The following CDK19 variants were observed in gnomAD, a reference collection of about 807,000 sequenced individuals.
The protein encoded by CDK19 is cyclin-dependent kinase 19.
Under a neutral mutation model 68.3 loss-of-function variants are expected in CDK19, and 20 were observed. The observed-to-expected ratio is 0.29, with a 90% confidence interval of 0.21 to 0.43. CDK19 has a LOEUF of 0.43. Among genes scored for constraint, CDK19 ranks in the 20% least tolerant of loss-of-function variants. The pLI, the probability that CDK19 is intolerant of heterozygous loss-of-function variation, is 1.00. For missense variants in CDK19, 339 were observed against 623.5 expected (o/e 0.54, Z 4.86); for synonymous variants, 221 against 222.8 (o/e 0.99, Z 0.07).
intron 1 of CDK19, among the ~76,000 whole-genome samples, chr6:110,779,142 A>G (rs1484084750): frequency 6.6e-6 from 1 of 152,158 alleles, no homozygotes; most frequent in East Asian, 1.9e-4. Flanking sequence ...ATCTTGGCAC[A>G]TGATTCCTTA....
At chr6:110,789,091 T>C (rs537573723) in intron 1 of CDK19, among the ~76,000 whole-genome samples, 2 of 152,310 alleles carry the variant, frequency 1.3e-5, no homozygotes, top group Admixed American at 6.5e-5. Flanking sequence ...TCTGCAACAC[T>C]TGAGCTCACA....
At position 110,672,175 on chromosome 6, in the gene CDK19, T is replaced by C. The variant is rs77391519; in HGVS notation, c.205-1634A>G. 2.8e-4 allele frequency among the ~76,000 whole-genome samples: 43 copies of C among 152,312 alleles called. 1 individual carries two copies. In the East Asian group the frequency reaches 7.1e-3, roughly 25 times the overall value. On this transcript the variant is annotated intron_variant, in intron 2 of 12. Coordinates refer to ENST00000368911, the MANE Select transcript of CDK19 (RefSeq NM_015076.5). ...GAGACTTCACCCCAGGCACAATGAC[T>C]GTCTCCTTCTTTCTGACTCCTTGAT... is the stretch of plus-strand genomic sequence containing the variant.
chr6:110,784,552 G>A (rs1384238414), intron 1 of CDK19, among the ~76,000 whole-genome samples: 2 of 152,158 alleles, frequency 1.3e-5, no homozygotes. Context: ...AAATGGTACA[G>A]TTGCTTTGGG....
chr6:110,675,999 G>A (rs1771499841), intron 2 of CDK19, among the ~76,000 whole-genome samples: 1 of 152,140 alleles, frequency 6.6e-6, no homozygotes, highest in South Asian at 2.1e-4. Flanking sequence ...TTCTCGGATG[G>A]ATCTGGGCAA....
At chr6:110,693,199 G>A (rs1050923176) in intron 2 of CDK19, among the ~76,000 whole-genome samples, 6 of 152,174 alleles carry the variant, frequency 3.9e-5, no homozygotes, top group African/African-American at 1.2e-4. Context: ...CTGCAGGAGC[G>A]TACCAGGAAA....
chr6:110,685,978 T>A (rs1346969510), intron 2 of CDK19, among the ~76,000 whole-genome samples: 1 of 152,166 alleles, frequency 6.6e-6, no homozygotes, highest in Non-Finnish European at 1.5e-5. Flanking sequence ...TTCTAAGTCG[T>A]CACTGCACAG....
intron 4 of CDK19, among the ~76,000 whole-genome samples, chr6:110,665,638 A>C (rs529879423): frequency 1.4e-4 from 22 of 152,378 alleles, no homozygotes; most frequent in African/African-American, 4.3e-4. Context: ...CATAACCTCA[A>C]AAATATAACC....
chr6:110,715,429 T>A (rs985311118), intron 2 of CDK19, among the ~76,000 whole-genome samples: 1 of 152,154 alleles, frequency 6.6e-6, no homozygotes, highest in African/African-American at 2.4e-5. Flanking sequence ...AGAAAATGAG[T>A]CTTTAATGTC....
chr6:110,640,037 TA>T (rs1460176038), intron 4 of CDK19, among the ~76,000 whole-genome samples: 1 of 151,792 alleles, frequency 6.6e-6, no homozygotes, highest in Non-Finnish European at 1.5e-5. Flanking sequence ...AAACACAAAA[TA>T]GTAAGATTCT....
In CDK19 at chr6:110,614,463, G is replaced by T. The variant is rs1778181866; in HGVS notation, c.*72C>A. The T allele has an allele frequency of 1.0e-5, 15 of 1,503,586 alleles. No individual in the cohort carries two copies. In the Admixed American group the frequency reaches 1.8e-4, roughly 18 times the overall value. 93.1% of individuals were successfully genotyped at this position (1,503,586 alleles called of 1,614,324 possible). ...TGGCATCATAGTTTGCATTTTTTTG[G>T]TTCTTTTCAATGCAGACATATTGCT... On this transcript the variant is annotated 3_prime_UTR_variant, in exon 13 of 13. Transcript: ENST00000368911.
At chr6:110,631,367 G>T (rs1779426189) in intron 6 of CDK19, among the ~76,000 whole-genome samples, 1 of 152,126 alleles carries the variant, frequency 6.6e-6, no homozygotes, top group South Asian at 2.1e-4. Flanking sequence ...TTCACAGCTG[G>T]GCCGTGTGAG....
chr6:110,664,485 T>C (rs1436975761), intron 4 of CDK19, among the ~76,000 whole-genome samples: 1 of 152,232 alleles, frequency 6.6e-6, no homozygotes, highest in African/African-American at 2.4e-5. Context: ...GACATGGTCA[T>C]ATTTGTGTTG....
At chr6:110,765,496 A>G (rs776649654) in intron 1 of CDK19, among the ~76,000 whole-genome samples, 1 of 152,016 alleles carries the variant, frequency 6.6e-6, no homozygotes, top group Non-Finnish European at 1.5e-5. Flanking sequence ...GCCCAACAAC[A>G]TGGTGAAACC....
intron 4 of CDK19, among the ~76,000 whole-genome samples, chr6:110,665,164 T>C (rs1219844183): frequency 1.3e-5 from 2 of 152,090 alleles, no homozygotes; most frequent in African/African-American, 4.8e-5. Context: ...AGGTCGAAAG[T>C]AGATTGGAAG....
At chr6:110,619,793 A>G (rs1778593358) in intron 12 of CDK19, among the ~76,000 whole-genome samples, 1 of 152,038 alleles carries the variant, frequency 6.6e-6, no homozygotes, top group African/African-American at 2.4e-5. Flanking sequence ...AATTGAGTCC[A>G]GTCTTCCTCC....
chr6:110,642,934 T>C (rs1355040006), intron 4 of CDK19, among the ~76,000 whole-genome samples: 3 of 152,098 alleles, frequency 2.0e-5, no homozygotes, highest in Non-Finnish European at 4.4e-5. Flanking sequence ...GCATCCCAGA[T>C]TGCACAAGAG....
chr6:110,660,051 G>A (rs1781522682), intron 4 of CDK19, among the ~76,000 whole-genome samples: 1 of 152,168 alleles, frequency 6.6e-6, no homozygotes, highest in South Asian at 2.1e-4. Context: ...AAATTGGACT[G>A]GAACTCCTGG....
intron 4 of CDK19, among the ~76,000 whole-genome samples, chr6:110,639,609 A>T (rs1166887897): frequency 1.3e-5 from 2 of 152,252 alleles, no homozygotes; most frequent in Non-Finnish European, 2.9e-5. Context: ...AGTGCTATGT[A>T]TGAGTTATAG....
chr6:110,667,912 A>G (rs974200596), intron 3 of CDK19, among the ~76,000 whole-genome samples: 2 of 152,224 alleles, frequency 1.3e-5, no homozygotes, highest in African/African-American at 4.8e-5. Context: ...TAAAAAAGAA[A>G]GAAAAACTGT....
Sources: gnomAD v4.1 joint callset for allele counts (sites outside exome capture counted in the v4.1 genomes callset) on GRCh38, gnomAD v4.1.1 for gene constraint, MANE v1.5 for transcripts, NCBI Gene and HGNC (gene_info 2026-07-23, HGNC 2026-07-21) for gene names.